The following LOC400499 variants were observed in gnomAD, a reference collection of about 807,000 sequenced individuals.
the LOC400499 span, among the ~76,000 whole-genome samples, chr16:11,373,259 G>A: frequency 6.6e-6 from 1 of 152,194 alleles, no homozygotes; most frequent in African/African-American, 2.4e-5. Context: ...CAAGTGGGGT[G>A]GACAAGGGCA....
the LOC400499 span, among the ~76,000 whole-genome samples, chr16:11,439,177 G>C: frequency 1.3e-5 from 2 of 152,080 alleles, no homozygotes; most frequent in African/African-American, 4.8e-5. Flanking sequence ...GGATTACATG[G>C]CTTCTCCCAA....
At chr16:11,473,309 C>A in the LOC400499 span, 1 of 149,052 alleles carries the variant, frequency 6.7e-6, no homozygotes, top group African/African-American at 2.5e-5. Flanking sequence ...ATTTGTATAT[C>A]TTCATTAAAT....
chr16:11,477,969 C>T, the LOC400499 span: 7 of 398,934 alleles, frequency 1.8e-5, no homozygotes, highest in East Asian at 2.5e-4. Flanking sequence ...TCCTGTGCGG[C>T]CAGGCTCAGC....
the LOC400499 span, chr16:11,460,077 A>C: frequency 1.3e-5 from 17 of 1,348,952 alleles, no homozygotes; most frequent in Admixed American, 1.4e-4. Flanking sequence ...TGGGTGGTGA[A>C]CTGCCCATGG....
the LOC400499 span, among the ~76,000 whole-genome samples, chr16:11,515,319 T>A: frequency 6.6e-6 from 1 of 151,554 alleles, no homozygotes; most frequent in South Asian, 2.1e-4. Context: ...CCAGGAATGG[T>A]GCCTTGTGCC....
chr16:11,489,861 T>G, the LOC400499 span, among the ~76,000 whole-genome samples: 1 of 152,244 alleles, frequency 6.6e-6, no homozygotes, highest in South Asian at 2.1e-4. Context: ...CCATGGCAAC[T>G]TATCTTCTGG....
At chr16:11,416,091 G>C in the LOC400499 span, among the ~76,000 whole-genome samples, 1 of 151,870 alleles carries the variant, frequency 6.6e-6, no homozygotes, top group Non-Finnish European at 1.5e-5. Flanking sequence ...GAGTAGCTGG[G>C]ACTACAGGCA....
chr16:11,448,695 C>G, the LOC400499 span, among the ~76,000 whole-genome samples: 1 of 152,012 alleles, frequency 6.6e-6, no homozygotes, highest in Admixed American at 6.5e-5. Context: ...TCACTGAACT[C>G]CAGCCTGGGC....
chr16:11,458,560 T>C, the LOC400499 span, among the ~76,000 whole-genome samples: 1 of 148,112 alleles, frequency 6.8e-6, no homozygotes, highest in Non-Finnish European at 1.5e-5. Context: ...TTAGCTAGAG[T>C]AGTCAAAAAT....
At chr16:11,422,646 G>A in the LOC400499 span, among the ~76,000 whole-genome samples, 1 of 152,154 alleles carries the variant, frequency 6.6e-6, no homozygotes, top group African/African-American at 2.4e-5. Context: ...CTACATGTCA[G>A]GCCCCGTCTC....
At chr16:11,437,641 G>C in the LOC400499 span, among the ~76,000 whole-genome samples, 3 of 152,192 alleles carry the variant, frequency 2.0e-5, no homozygotes, top group South Asian at 2.1e-4. Flanking sequence ...GCTGGGGCAG[G>C]CAGATCACTT....
At chr16:11,502,722 C>T in the LOC400499 span, among the ~76,000 whole-genome samples, 2 of 151,268 alleles carry the variant, frequency 1.3e-5, no homozygotes, top group African/African-American at 4.9e-5. Flanking sequence ...TCTAGCGATT[C>T]TCCCGCCTCA....
the LOC400499 span, chr16:11,457,152 A>G: frequency 4.1e-6 from 4 of 978,064 alleles, no homozygotes; most frequent in South Asian, 5.2e-5. Flanking sequence ...TGCACTCCAC[A>G]CGGGCAACGG....
the LOC400499 span, among the ~76,000 whole-genome samples, chr16:11,416,871 G>C: frequency 6.6e-6 from 1 of 152,150 alleles, no homozygotes; most frequent in Admixed American, 6.5e-5. Flanking sequence ...AGGGCTGGGG[G>C]CTGGGAGATG....
chr16:11,416,740 G>T, the LOC400499 span, among the ~76,000 whole-genome samples: 2 of 152,192 alleles, frequency 1.3e-5, no homozygotes, highest in African/African-American at 4.8e-5. Context: ...CCTAAGGGAG[G>T]TGAGGGAGCC....
At chr16:11,388,450 G>C in the LOC400499 span, among the ~76,000 whole-genome samples, 1 of 152,146 alleles carries the variant, frequency 6.6e-6, no homozygotes, top group East Asian at 1.9e-4. Context: ...ATCCTAGTTA[G>C]AGGCAGAGCC....
the LOC400499 span, among the ~76,000 whole-genome samples, chr16:11,389,287 C>T: frequency 1.1e-4 from 16 of 152,240 alleles, no homozygotes; most frequent in African/African-American, 4.8e-5. Flanking sequence ...TGCTACCTAA[C>T]GTATAGCTCA....
the LOC400499 span, among the ~76,000 whole-genome samples, chr16:11,378,241 C>CTTTTTTTTTCTT: frequency 8.6e-6 from 1 of 115,732 alleles, no homozygotes; most frequent in African/African-American, 3.3e-5. Context: ...CTGGCTGCTG[C>CTTTTTTTTTCTT]TTTTTTTTTC....
At chr16:11,432,173 T>C in the LOC400499 span, among the ~76,000 whole-genome samples, 4 of 152,356 alleles carry the variant, frequency 2.6e-5, no homozygotes, top group African/African-American at 9.6e-5. Context: ...GGCTGGGAAC[T>C]GACTCAGCTG....
Sources: allele counts gnomAD v4.1 joint callset (sites outside exome capture counted in the v4.1 genomes callset), GRCh38; gene constraint gnomAD v4.1.1; transcripts MANE v1.5.